The following TMEM131 variants were observed in gnomAD, a reference collection of about 807,000 sequenced individuals.
TMEM131 encodes the protein transmembrane protein 131.
TMEM131 carries 66 observed loss-of-function variants against 211.6 expected under a neutral mutation model. That is an observed-to-expected ratio of 0.31 (90% CI 0.26 to 0.38). TMEM131 has a LOEUF of 0.38. TMEM131 is among the 10% of genes least tolerant of loss of function. TMEM131 has a pLI of 1.00. For synonymous variants in TMEM131, 844 were observed against 841.3 expected, an observed-to-expected ratio of 1.00 and a Z score of -0.06; for missense variants, 2,036 against 2,299.3, an observed-to-expected ratio of 0.89 and a Z score of 2.34.
chr2:97,803,342 A>T (rs545719644), intron 22 of TMEM131, among the ~76,000 whole-genome samples: 1 of 152,346 alleles, frequency 6.6e-6, no homozygotes, highest in South Asian at 2.1e-4. Context: ...CTCAGATTCA[A>T]TGAAGACATC....
At chr2:97,837,333 A>G (rs1682985887) in intron 7 of TMEM131, among the ~76,000 whole-genome samples, 176 bp from the exon 8 acceptor site, 1 of 152,256 alleles carries the variant, frequency 6.6e-6, no homozygotes, top group South Asian at 2.1e-4. Context: ...TGTAAGCAAT[A>G]GTTGTATTTT....
chr2:97,923,467 GAAT>G (rs1265485359), intron 2 of TMEM131, among the ~76,000 whole-genome samples: 3 of 151,320 alleles, frequency 2.0e-5, no homozygotes, highest in Non-Finnish European at 4.4e-5. Context: ...TATAAAAAAT[GAAT>G]AATTAGCCAG....
intron 12 of TMEM131, 132 bp downstream of exon 12, chr2:97,818,481 G>GGGAAAA (rs796772650): frequency 2.0e-5 from 6 of 293,252 alleles, no homozygotes; most frequent in Admixed American, 5.5e-5. Flanking sequence ...GGCGGGGGGG[G>GGGAAAA]ATCAACCTAA....
intron 4 of TMEM131, among the ~76,000 whole-genome samples, chr2:97,867,373 TTA>T (rs1006811576): frequency 6.6e-6 from 1 of 152,082 alleles, no homozygotes; most frequent in African/African-American, 2.4e-5. Flanking sequence ...CTGTTATTAG[TTA>T]TATATATATA....
chr2:97,914,956 T>A (rs1676446987), intron 2 of TMEM131, among the ~76,000 whole-genome samples: 1 of 152,266 alleles, frequency 6.6e-6, no homozygotes, highest in African/African-American at 2.4e-5. Context: ...ACTGCCAAAC[T>A]GTTTTTTCCA....
chr2:97,992,335 G>C (rs1222881434), intron 1 of TMEM131, among the ~76,000 whole-genome samples: 3 of 151,962 alleles, frequency 2.0e-5, no homozygotes, highest in Non-Finnish European at 2.9e-5. Context: ...AAATACTTTT[G>C]TACTGTGTTT....
intron 1 of TMEM131, among the ~76,000 whole-genome samples, chr2:97,943,067 A>AAG (rs1328111378): frequency 6.5e-5 from 9 of 138,216 alleles, no homozygotes; most frequent in African/African-American, 2.6e-5. Context: ...GAAAGAAAGA[A>AAG]AGAAAGAAAG....
At chr2:97,865,079 T>C (rs1239830827) in intron 4 of TMEM131, among the ~76,000 whole-genome samples, 1 of 152,246 alleles carries the variant, frequency 6.6e-6, no homozygotes, top group Non-Finnish European at 1.5e-5. Flanking sequence ...AGTTTTTATG[T>C]GTATGTATGG....
At chr2:97,881,533 C>A (rs954239147) in intron 4 of TMEM131, among the ~76,000 whole-genome samples, 2 of 151,732 alleles carry the variant, frequency 1.3e-5, no homozygotes, top group East Asian at 1.9e-4. Flanking sequence ...GTAAAAAAAA[C>A]AATCCTTCCC....
At chr2:97,811,018 CT>C (rs1681524557) in intron 18 of TMEM131, 109 bp downstream of exon 18, 1 of 784,650 alleles carries the variant, frequency 1.3e-6, no homozygotes, top group African/African-American at 1.7e-5. Flanking sequence ...AGGTATGAAA[CT>C]GGTAAACTGT....
At chr2:97,901,120 C>G (rs925183018) in intron 3 of TMEM131, among the ~76,000 whole-genome samples, 2 of 152,100 alleles carry the variant, frequency 1.3e-5, no homozygotes, top group Admixed American at 1.3e-4. Flanking sequence ...AATACATACA[C>G]AAGAGATTAT....
intron 2 of TMEM131, among the ~76,000 whole-genome samples, chr2:97,912,376 T>C (rs978704029): frequency 3.3e-5 from 5 of 152,140 alleles, no homozygotes; most frequent in East Asian, 1.9e-4. Context: ...GGAAATTCCA[T>C]AGTTTGCCAT....
chr2:97,884,529 C>T (rs1355648067), intron 4 of TMEM131, among the ~76,000 whole-genome samples: 1 of 152,142 alleles, frequency 6.6e-6, no homozygotes, highest in Non-Finnish European at 1.5e-5. Context: ...GCTGAAATCC[C>T]CAACTCTATT....
At chr2:97,888,292 T>C (rs1006398668) in intron 3 of TMEM131, among the ~76,000 whole-genome samples, 172 bp from the exon 4 acceptor site, 5 of 152,182 alleles carry the variant, frequency 3.3e-5, no homozygotes, top group Non-Finnish European at 5.9e-5. Flanking sequence ...CCAATAAAGA[T>C]TGCGTTTTAG....
intron 1 of TMEM131, among the ~76,000 whole-genome samples, chr2:97,937,061 T>C (rs1442095452): frequency 2.0e-5 from 3 of 151,930 alleles, no homozygotes; most frequent in Non-Finnish European, 4.4e-5. Flanking sequence ...GGCTCATACA[T>C]AGGAAAAAAT....
intron 17 of TMEM131, among the ~76,000 whole-genome samples, chr2:97,812,211 G>A (rs1195900932): frequency 1.3e-5 from 2 of 152,160 alleles, no homozygotes; most frequent in East Asian, 1.9e-4. Context: ...TTTATGACAA[G>A]GCAGAATTAA....
chr2:97,791,829 T>C (rs183175306), intron 31 of TMEM131, among the ~76,000 whole-genome samples: 3 of 152,352 alleles, frequency 2.0e-5, no homozygotes, highest in Admixed American at 2.0e-4. Flanking sequence ...AAGGGCCAGA[T>C]AGCAAATATT....
intron 1 of TMEM131, among the ~76,000 whole-genome samples, chr2:97,985,683 G>GA (rs1190825207): frequency 6.2e-5 from 9 of 146,300 alleles, no homozygotes; most frequent in South Asian, 2.2e-4. Flanking sequence ...ATATACATGA[G>GA]AAAAAAAAAT....
At chr2:97,866,805 G>A (rs1674289566) in intron 4 of TMEM131, among the ~76,000 whole-genome samples, 1 of 152,150 alleles carries the variant, frequency 6.6e-6, no homozygotes, top group Non-Finnish European at 1.5e-5. Flanking sequence ...TATTTCAGTA[G>A]AAAATTAAGA....
Sources: allele counts gnomAD v4.1 joint callset (sites outside exome capture counted in the v4.1 genomes callset), GRCh38; gene constraint gnomAD v4.1.1; transcripts MANE v1.5; gene names NCBI Gene and HGNC (gene_info 2026-07-23, HGNC 2026-07-21).